Variants in FOCAD observed in about 807,000 individuals in gnomAD.
FOCAD encodes KIAA1797.
Under a neutral mutation model 225.6 loss-of-function variants are expected in FOCAD, and 198 were observed. The ratio of observed to expected loss-of-function variants is 0.88; its 90% CI spans 0.78 to 0.99. The LOEUF (loss-of-function observed/expected upper bound fraction) is 0.99. Among genes scored for constraint, FOCAD ranks in the 50% least tolerant of loss-of-function variants. FOCAD has a pLI of 0.00. For missense variants in FOCAD, 2,713 were observed against 2,123.6 expected (o/e 1.28, Z -5.46); for synonymous variants, 897 against 755.0 (o/e 1.19, Z -3.08).
At chr9:20,859,532 A>T (rs1219569750) in intron 15 of FOCAD, among the ~76,000 whole-genome samples, 1 of 150,720 alleles carries the variant, frequency 6.6e-6, no homozygotes, top group Non-Finnish European at 1.5e-5. Flanking sequence ...GCTTATTTGT[A>T]TTACAAGTTA....
chr9:20,991,236 A>G (rs1173256947), intron 42 of FOCAD, among the ~76,000 whole-genome samples: 1 of 152,186 alleles, frequency 6.6e-6, no homozygotes, highest in Admixed American at 6.5e-5. Context: ...ACTTCTCATT[A>G]TATGTTTCTG....
intron 42 of FOCAD, among the ~76,000 whole-genome samples, chr9:20,992,521 A>T (rs553763186): frequency 6.6e-6 from 1 of 152,214 alleles, no homozygotes; most frequent in African/African-American, 2.4e-5. Flanking sequence ...AGCCAAGTGT[A>T]CTTGGGTTCA....
chr9:20,877,692 C>G (rs574278243), intron 19 of FOCAD, among the ~76,000 whole-genome samples: 1 of 152,062 alleles, frequency 6.6e-6, no homozygotes, highest in Non-Finnish European at 1.5e-5. Flanking sequence ...CAAAATCATT[C>G]GAAAACCTCA....
chr9:20,835,434 A>G (rs970896168), intron 15 of FOCAD, among the ~76,000 whole-genome samples: 4 of 152,036 alleles, frequency 2.6e-5, no homozygotes, highest in African/African-American at 9.7e-5. Context: ...AATTGTGATA[A>G]AAGTGTGAGT....
At chr9:20,800,613 G>A (rs1364769688) in intron 11 of FOCAD, among the ~76,000 whole-genome samples, 1 of 152,012 alleles carries the variant, frequency 6.6e-6, no homozygotes, top group African/African-American at 2.4e-5. Context: ...TTCCATCACT[G>A]ATACCCTTTC....
chr9:20,962,872 G>T (rs1838882341), intron 35 of FOCAD, among the ~76,000 whole-genome samples: 1 of 152,100 alleles, frequency 6.6e-6, no homozygotes, highest in Non-Finnish European at 1.5e-5. Context: ...TAAAAAACTT[G>T]TTTGAAAGAC....
At chr9:20,851,427 T>C (rs1827646095) in intron 15 of FOCAD, among the ~76,000 whole-genome samples, 1 of 151,858 alleles carries the variant, frequency 6.6e-6, no homozygotes, top group Admixed American at 6.6e-5. Flanking sequence ...TTGGAATTCA[T>C]TGTGAATTTG....
chr9:20,952,259 C>G (rs1248156401), intron 34 of FOCAD, among the ~76,000 whole-genome samples: 1 of 152,098 alleles, frequency 6.6e-6, no homozygotes, highest in African/African-American at 2.4e-5. Context: ...AGTGAATCAT[C>G]TTATACCCAG....
At chr9:20,957,661 A>G (rs1427309358) in intron 35 of FOCAD, 1 of 55,840 alleles carries the variant, frequency 1.8e-5, no homozygotes, top group Non-Finnish European at 3.7e-5. Flanking sequence ...GATAGCATAG[A>G]TATCTCTCTC....
chr9:20,745,125 T>C (rs1441090468), intron 5 of FOCAD, among the ~76,000 whole-genome samples: 1 of 152,034 alleles, frequency 6.6e-6, no homozygotes, highest in African/African-American at 2.4e-5. Context: ...TTTTTTTTTT[T>C]TTGAGACAGG....
intron 29 of FOCAD, 150 bp from the exon 30 acceptor site, chr9:20,946,551 A>G: frequency 5.7e-6 from 4 of 702,628 alleles, no homozygotes. Context: ...AATATAAGTT[A>G]GGCAGAAAAA....
chr9:20,831,137 G>C (rs1825447012), intron 15 of FOCAD, among the ~76,000 whole-genome samples: 1 of 151,978 alleles, frequency 6.6e-6, no homozygotes. Context: ...AGAGGTATTT[G>C]GGTTTGTGGT....
At chr9:20,677,169 A>G (rs1441196105) in intron 2 of FOCAD, among the ~76,000 whole-genome samples, 1 of 152,220 alleles carries the variant, frequency 6.6e-6, no homozygotes, top group Non-Finnish European at 1.5e-5. Flanking sequence ...GGATATTCAC[A>G]TGTAGGAGAA....
intron 10 of FOCAD, among the ~76,000 whole-genome samples, chr9:20,784,440 CACATTGAGTA>C (rs1319316586): frequency 7.9e-5 from 12 of 152,140 alleles, no homozygotes; most frequent in Non-Finnish European, 1.6e-4. Flanking sequence ...TGAGAGGTAA[CACATTGAGTA>C]ACTGGCTCAG....
intron 35 of FOCAD, among the ~76,000 whole-genome samples, chr9:20,968,629 A>G (rs1220399417): frequency 6.6e-6 from 1 of 151,174 alleles, no homozygotes. Flanking sequence ...TTTAGTAGAG[A>G]TGGGGTTTGA....
At chr9:20,673,416 C>T (rs1822135494) in intron 2 of FOCAD, among the ~76,000 whole-genome samples, 1 of 152,130 alleles carries the variant, frequency 6.6e-6, no homozygotes, top group African/African-American at 2.4e-5. Context: ...AATTTCTCTG[C>T]ATCGGCATCA....
At chr9:20,903,707 G>A (rs1587558156) in intron 21 of FOCAD, among the ~76,000 whole-genome samples, 1 of 151,748 alleles carries the variant, frequency 6.6e-6, no homozygotes, top group South Asian at 2.1e-4. Context: ...GCCTGCCCAG[G>A]ACCTTTGCGT....
At chr9:20,978,991 C>T (rs550791523) in intron 37 of FOCAD, among the ~76,000 whole-genome samples, 2 of 152,234 alleles carry the variant, frequency 1.3e-5, no homozygotes, top group South Asian at 4.1e-4. Context: ...TTGAGCAAAG[C>T]GTTGAGAAAG....
chr9:20,771,056 G>A (rs538877441), intron 8 of FOCAD, among the ~76,000 whole-genome samples: 49 of 152,292 alleles, frequency 3.2e-4, no homozygotes, highest in Admixed American at 1.8e-3. Context: ...AGTTTCAGGA[G>A]GTAGGGCATG....
Sources: gnomAD v4.1 joint callset for allele counts (sites outside exome capture counted in the v4.1 genomes callset) on GRCh38, gnomAD v4.1.1 for gene constraint, MANE v1.5 for transcripts, NCBI Gene and HGNC (gene_info 2026-07-23, HGNC 2026-07-21) for gene names.